The following NRXN1 variants were observed in gnomAD, a reference collection of about 807,000 sequenced individuals.
NRXN1 encodes the protein neurexin 1.
Under a neutral mutation model 150.9 loss-of-function variants are expected in NRXN1, and 39 were observed. That is an observed-to-expected ratio of 0.26 (90% CI 0.20 to 0.34). The LOEUF (loss-of-function observed/expected upper bound fraction) is 0.34, where lower values mean the gene tolerates loss of function less well. Among genes scored for constraint, NRXN1 ranks in the 10% least tolerant of loss-of-function variants. NRXN1 has a pLI of 1.00. For synonymous variants in NRXN1, 924 were observed against 757.0 expected, an observed-to-expected ratio of 1.22 and a Z score of -3.62; for missense variants, 1,815 against 1,949.9, an observed-to-expected ratio of 0.93 and a Z score of 1.30.
At chr2:50,224,242 C>T (rs895123592) in intron 18 of NRXN1, among the ~76,000 whole-genome samples, 14 of 151,900 alleles carry the variant, frequency 9.2e-5, no homozygotes, top group African/African-American at 3.1e-4. Context: ...AAAAATGAAG[C>T]TTTGAAGTCA....
chr2:50,942,274 A>C (rs984247841), intron 2 of NRXN1, among the ~76,000 whole-genome samples: 1 of 152,212 alleles, frequency 6.6e-6, no homozygotes, highest in Admixed American at 6.5e-5. Context: ...TGGAGCCCAC[A>C]TGGAGAACCT....
At chr2:50,664,396 CGTGTGTGTGTGTGT>C (rs35702112) in intron 5 of NRXN1, among the ~76,000 whole-genome samples, 7 of 108,078 alleles carry the variant, frequency 6.5e-5, no homozygotes, top group South Asian at 8.2e-4. Context: ...AAGTTTAAAG[CGTGTGTGTGTGTGT>C]GTGTGTGTGT....
chr2:50,319,661 A>T (rs946780533), intron 17 of NRXN1, among the ~76,000 whole-genome samples: 1 of 152,002 alleles, frequency 6.6e-6, no homozygotes, highest in Admixed American at 6.6e-5. Flanking sequence ...GGAGAAAACT[A>T]TCAGGACTCT....
chr2:50,410,697 C>T (rs1156282989), intron 17 of NRXN1, among the ~76,000 whole-genome samples: 2 of 152,146 alleles, frequency 1.3e-5, no homozygotes, highest in African/African-American at 2.4e-5. Flanking sequence ...ATAAAAAAGA[C>T]ATAATGATGA....
At chr2:50,125,639 G>T (rs1704474566) in intron 18 of NRXN1, among the ~76,000 whole-genome samples, 1 of 151,968 alleles carries the variant, frequency 6.6e-6, no homozygotes, top group Non-Finnish European at 1.5e-5. Flanking sequence ...TAATATTTTT[G>T]GTTACAGTTA....
intron 17 of NRXN1, among the ~76,000 whole-genome samples, chr2:50,459,138 T>G (rs946731952): frequency 1.3e-5 from 2 of 152,042 alleles, no homozygotes; most frequent in Admixed American, 1.3e-4. Context: ...TCTTTCCAAA[T>G]CCAATCATAA....
intron 15 of NRXN1, among the ~76,000 whole-genome samples, chr2:50,473,009 T>G (rs1166941560): frequency 1.3e-5 from 2 of 151,954 alleles, no homozygotes; most frequent in East Asian, 3.9e-4. Context: ...ATTCACCTTC[T>G]GCTTAGAGAT....
intron 17 of NRXN1, among the ~76,000 whole-genome samples, chr2:50,298,470 T>G (rs757759686): frequency 2.0e-5 from 3 of 152,118 alleles, no homozygotes; most frequent in Non-Finnish European, 4.4e-5. Flanking sequence ...ATGTGAAAAT[T>G]CAGGCAAGTA....
At chr2:50,489,461 A>G (rs1008918262) in intron 15 of NRXN1, among the ~76,000 whole-genome samples, 1 of 151,204 alleles carries the variant, frequency 6.6e-6, no homozygotes, top group African/African-American at 2.5e-5. Flanking sequence ...CTAGCAGTCA[A>G]TTGAGATTGA....
intron 17 of NRXN1, among the ~76,000 whole-genome samples, chr2:50,441,552 A>C (rs1455565966): frequency 6.6e-6 from 1 of 152,214 alleles, no homozygotes; most frequent in Non-Finnish European, 1.5e-5. Flanking sequence ...GTTAGAAAAC[A>C]GTATGTGTTT....
At chr2:50,464,993 T>A (rs2088664852) in intron 17 of NRXN1, among the ~76,000 whole-genome samples, 1 of 151,772 alleles carries the variant, frequency 6.6e-6, no homozygotes, top group Non-Finnish European at 1.5e-5. Flanking sequence ...CATATTTTTT[T>A]AAAAGTAAAA....
intron 19 of NRXN1, among the ~76,000 whole-genome samples, chr2:50,056,933 G>T (rs1003646668): frequency 6.6e-6 from 1 of 152,138 alleles, no homozygotes; most frequent in Middle Eastern, 3.4e-3. Flanking sequence ...TGTTTTTCAT[G>T]CTAGAGTCTT....
intron 9 of NRXN1, among the ~76,000 whole-genome samples, chr2:50,542,168 C>G (rs2093406831): frequency 6.6e-6 from 1 of 152,148 alleles, no homozygotes; most frequent in Admixed American, 6.5e-5. Flanking sequence ...GTAATCTCAG[C>G]TACTCGGGAG....
intron 5 of NRXN1, among the ~76,000 whole-genome samples, chr2:50,826,633 G>T (rs1278987932): frequency 6.6e-6 from 1 of 152,138 alleles, no homozygotes. Context: ...TTCAGTGAGG[G>T]ATCAGATGAC....
intron 18 of NRXN1, among the ~76,000 whole-genome samples, chr2:50,103,717 A>T (rs1451689136): frequency 4.6e-5 from 7 of 152,172 alleles, no homozygotes; most frequent in African/African-American, 1.4e-4. Context: ...CCAGAGCAGT[A>T]ACCACTGGAG....
chr2:50,027,329 TTTCCTTCCTTTGTTCGTTCCC>T (rs1429742189), intron 21 of NRXN1, among the ~76,000 whole-genome samples: 1 of 149,994 alleles, frequency 6.7e-6, no homozygotes, highest in Non-Finnish European at 1.5e-5. Flanking sequence ...CTCTTTTCCC[TTTCCTTCCTTTGTTCGTTCCC>T]TTCCTTCCTT....
intron 21 of NRXN1, among the ~76,000 whole-genome samples, chr2:50,042,807 T>C (rs1691213031): frequency 6.6e-6 from 1 of 152,218 alleles, no homozygotes; most frequent in Admixed American, 6.5e-5. Context: ...TCTATTCATC[T>C]ATCTTTTCCA....
rs538366831 is a variant in NRXN1, at chr2:50,721,175, C to T, written c.833-97560G>A. Among the ~76,000 whole-genome samples the T allele has an allele frequency of 3.3e-4, 51 of 152,268 alleles. 1 individual carries two copies. The South Asian group carries it at 0.01, about 30-fold the overall frequency. ...CGGCTTCCAAGGACAGCTCACATAG[C>T]TGCTCTCTCAGAATATACCTTAAAT... On this transcript the variant is annotated intron_variant, in intron 5 of 22. Transcript: ENST00000401669.
chr2:50,778,470 C>T (rs1278283710), intron 5 of NRXN1, among the ~76,000 whole-genome samples: 2 of 152,112 alleles, frequency 1.3e-5, no homozygotes, highest in Admixed American at 6.5e-5. Flanking sequence ...CAATATGGGG[C>T]ATAATGGTAG....
Sources: gnomAD v4.1 joint callset for allele counts (sites outside exome capture counted in the v4.1 genomes callset) on GRCh38, gnomAD v4.1.1 for gene constraint, MANE v1.5 for transcripts, NCBI Gene and HGNC (gene_info 2026-07-23, HGNC 2026-07-21) for gene names.